Variants in BMP7 observed in about 807,000 individuals in gnomAD.
The protein encoded by BMP7 is osteogenic protein 1.
BMP7 carries 12 observed loss-of-function variants against 41.2 expected under a neutral mutation model. That is an observed-to-expected ratio of 0.29 (90% CI 0.19 to 0.47). The LOEUF (loss-of-function observed/expected upper bound fraction) is 0.47, where lower values mean the gene tolerates loss of function less well. BMP7 is among the 20% of genes least tolerant of loss of function. The probability of loss-of-function intolerance (pLI) is 0.99; values close to 1 mark genes in which losing one functional copy is unlikely to be tolerated. For missense variants in BMP7, 467 were observed against 606.0 expected (o/e 0.77, Z 2.41); for synonymous variants, 248 against 250.0 (o/e 0.99, Z 0.07).
intron 2 of BMP7, among the ~76,000 whole-genome samples, chr20:57,207,777 T>C (rs1984765890): frequency 6.7e-6 from 1 of 149,500 alleles, no homozygotes; most frequent in Non-Finnish European, 1.5e-5. Flanking sequence ...GAAACTGAAA[T>C]AGGAAGGTCT....
intron 1 of BMP7, among the ~76,000 whole-genome samples, chr20:57,252,101 C>T (rs2066116094): frequency 6.6e-6 from 1 of 152,210 alleles, no homozygotes; most frequent in South Asian, 2.1e-4. Flanking sequence ...CTGCTCAACC[C>T]TGTCGCAGCG....
At chr20:57,180,784 C>T (rs1361571827) in intron 4 of BMP7, among the ~76,000 whole-genome samples, 3 of 152,192 alleles carry the variant, frequency 2.0e-5, no homozygotes, top group African/African-American at 4.8e-5. Flanking sequence ...CTGGGCCACA[C>T]AGACCCACTG....
At chr20:57,243,157 C>T (rs1420086074) in intron 1 of BMP7, among the ~76,000 whole-genome samples, 5 of 152,086 alleles carry the variant, frequency 3.3e-5, no homozygotes, top group African/African-American at 1.2e-4. Flanking sequence ...AAATGAGGGT[C>T]CCCGACTATG....
chr20:57,260,816 G>C (rs1016725031), intron 1 of BMP7, among the ~76,000 whole-genome samples: 1 of 152,230 alleles, frequency 6.6e-6, no homozygotes, highest in Admixed American at 6.5e-5. Context: ...GCCTTGCAGT[G>C]GCTTGCCAAG....
chr20:57,178,567 A>C (rs937988505), intron 4 of BMP7, among the ~76,000 whole-genome samples: 1 of 152,072 alleles, frequency 6.6e-6, no homozygotes, highest in African/African-American at 2.4e-5. Flanking sequence ...GAGGAGCCCA[A>C]ACAGCTGGAC....
At chr20:57,256,570 A>C (rs2066135019) in intron 1 of BMP7, among the ~76,000 whole-genome samples, 1 of 152,206 alleles carries the variant, frequency 6.6e-6, no homozygotes, top group Non-Finnish European at 1.5e-5. Context: ...ACATACCCTA[A>C]ATAGAAATAA....
chr20:57,259,482 T>C lies in BMP7; in HGVS notation c.418+6223A>G, dbSNP rs1358776209. ...CATCAATTAATGAAAAGCAGGGTTG[T>C]GTGAGAGGCTCTGGTTTGGAAATGC... On this transcript the variant is annotated intron_variant, in intron 1 of 6. Coordinates refer to ENST00000395863, the MANE Select transcript of BMP7 (RefSeq NM_001719.3). The surrounding 1 kb of genome is among the most constrained non-coding windows in gnomAD (Gnocchi z 4.7). 6.6e-6 allele frequency among the ~76,000 whole-genome samples: 1 copy of C among 152,236 alleles called. No individual in the cohort carries two copies. Among genetic ancestry groups the C allele is most frequent in the Non-Finnish European group, 1.5e-5 (1 of 68,044 alleles).
chr20:57,173,369 AC>A, intron 5 of BMP7, 59 bp from the exon 6 acceptor site: 1 of 1,523,942 alleles, frequency 6.6e-7, no homozygotes, highest in South Asian at 1.1e-5. Context: ...CAGCATCCCA[AC>A]CCCCATGCTG....
chr20:57,175,975 C>G (rs1983914912), intron 4 of BMP7, among the ~76,000 whole-genome samples: 2 of 152,210 alleles, frequency 1.3e-5, no homozygotes, highest in African/African-American at 4.8e-5. Context: ...AGCCTTGGTT[C>G]CAATGTCACC....
At chr20:57,226,344 TC>T (rs2066006104) in intron 2 of BMP7, among the ~76,000 whole-genome samples, 1 of 152,198 alleles carries the variant, frequency 6.6e-6, no homozygotes, top group Non-Finnish European at 1.5e-5. Flanking sequence ...CGATGTCACC[TC>T]CCAGGAGAGC....
intron 2 of BMP7, among the ~76,000 whole-genome samples, chr20:57,209,758 C>G: frequency 6.6e-6 from 1 of 152,184 alleles, no homozygotes; most frequent in Admixed American, 6.5e-5. Flanking sequence ...TACACGCATA[C>G]ACACCAGAGT....
At chr20:57,221,086 G>T (rs1451118225) in intron 2 of BMP7, among the ~76,000 whole-genome samples, 1 of 152,118 alleles carries the variant, frequency 6.6e-6, no homozygotes, top group East Asian at 1.9e-4. Flanking sequence ...CAGGCTCTAG[G>T]CAAAATGGAT....
At chr20:57,216,298 C>T (rs953720861) in intron 2 of BMP7, among the ~76,000 whole-genome samples, 3 of 152,154 alleles carry the variant, frequency 2.0e-5, no homozygotes, top group Admixed American at 2.0e-4. Context: ...TCAGTGACCC[C>T]AGAGGCAGGT....
chr20:57,236,098 G>A (rs1568725256), intron 1 of BMP7, among the ~76,000 whole-genome samples: 2 of 152,198 alleles, frequency 1.3e-5, no homozygotes, highest in East Asian at 3.9e-4. Flanking sequence ...TGGCACCCAG[G>A]CAGCCACTAT....
chr20:57,176,786 A>ACACACACACC, intron 4 of BMP7, among the ~76,000 whole-genome samples: 1 of 149,282 alleles, frequency 6.7e-6, no homozygotes, highest in African/African-American at 2.5e-5. Flanking sequence ...ACACACACAC[A>ACACACACACC]CACACCTGTT....
intron 1 of BMP7, among the ~76,000 whole-genome samples, chr20:57,231,378 G>A (rs2066028979): frequency 2.0e-5 from 3 of 152,216 alleles, no homozygotes. Flanking sequence ...CACAGGACAC[G>A]TGTTTCATGC....
rs371246111 is a variant in BMP7, at chr20:57,241,756, AG to A, written c.419-13336del. The stretch of plus-strand genomic sequence containing the variant: ...CTGCAGCCTGCACAGATGTTGGGGT[AG>A]GGGCCAGAGGGAATGATTGTACCAC... On this transcript the variant is annotated intron_variant, in intron 1 of 6. Transcript: ENST00000395863. Among the ~76,000 whole-genome samples, 420 of 152,310 alleles carry A rather than the reference AG, an allele frequency of 2.8e-3. 1 individual carries two copies. Among genetic ancestry groups the A allele is most frequent in the Middle Eastern group, 0.01 (3 of 294 alleles).
At chr20:57,172,706 C>G (rs572151088) in intron 6 of BMP7, among the ~76,000 whole-genome samples, 1 of 152,342 alleles carries the variant, frequency 6.6e-6, no homozygotes, top group African/African-American at 2.4e-5. Context: ...GCACGTTAAT[C>G]TCATTATCAC....
rs867088188 is a variant in BMP7, at chr20:57,173,934, G to A, written c.1036-624C>T. The stretch of plus-strand genomic sequence containing the variant: ...ATCCATGTGCCATCCTTGCCTCTAG[G>A]GTCTGGGTGGCACAGAAATGTTGCC... On this transcript the variant is annotated intron_variant, in intron 5 of 6. Coordinates refer to ENST00000395863, the MANE Select transcript of BMP7 (RefSeq NM_001719.3). 5.6e-4 allele frequency among the ~76,000 whole-genome samples: 86 copies of A among 152,258 alleles called. 1 individual carries two copies. The Middle Eastern group carries it at 0.014, about 24-fold the overall frequency.
Sources: gnomAD v4.1 joint callset for allele counts (sites outside exome capture counted in the v4.1 genomes callset) on GRCh38, gnomAD v4.1.1 for gene constraint, Gnocchi (gnomAD v3.1) non-coding constraint, MANE v1.5 for transcripts, NCBI Gene and HGNC (gene_info 2026-07-23, HGNC 2026-07-21) for gene names.